MBD5: variants seen among roughly 807,000 people sequenced by gnomAD.
MBD5 encodes the protein methyl-CpG-binding domain protein 5.
A neutral mutation model predicts 117.3 loss-of-function variants in MBD5; 13 were observed. The ratio of observed to expected loss-of-function variants is 0.11; its 90% CI spans 0.07 to 0.18. The LOEUF is 0.18. Ranked by LOEUF, MBD5 falls within the 10% of genes least tolerant of loss-of-function variation. The pLI, the probability that MBD5 is intolerant of heterozygous loss-of-function variation, is 1.00. For missense variants in MBD5, 1,879 were observed against 2,093.8 expected, an observed-to-expected ratio of 0.90 and a Z score of 2.00; for synonymous variants, 727 against 766.4, an observed-to-expected ratio of 0.95 and a Z score of 0.85.
At position 148,365,019 on chromosome 2, in the gene MBD5, A is replaced by G. The variant is rs189278140; in HGVS notation, c.-557+22683A>G. Among the ~76,000 whole-genome samples, 430 of 152,320 alleles carry G rather than the reference A, an allele frequency of 2.8e-3. 3 individuals are homozygous for G. Among genetic ancestry groups the G allele is most frequent in the African/African-American group, 9.7e-3 (403 of 41,568 alleles). ...GACATTTACAGAACTCTCCACCCCAAATCAACAGAATATACATTCTTCTCA... is the reference window on the plus strand; with the variant it reads ...GACATTTACAGAACTCTCCACCCCAGATCAACAGAATATACATTCTTCTCA... On this transcript the variant is annotated intron_variant, in intron 4 of 13. Coordinates refer to ENST00000642680, the MANE Select transcript of MBD5 (RefSeq NM_001378120.1).
rs763196924 is a variant in MBD5, at chr2:148,510,115, C to T, written c.5092C>T (p.Leu1698=). 2.0e-5 allele frequency: 33 copies of T among 1,611,338 alleles called. No homozygotes were observed. The highest frequency in any genetic ancestry group is 2.7e-5 in the Non-Finnish European group (32 of 1,177,638). The change falls in exon 13 of 14, where the codon CTG becomes TTG. Residue 1698 remains leucine (L), a synonymous_variant. Transcript: ENST00000642680. ...TGCTATTCATGAGGCCATGAGTGAA[C>T]TGGACAAAATGTCTGGGACTGTAAG... is the stretch of plus-strand genomic sequence containing the variant. ...EAAIHEAMSE[L]DKMSGTVHQI... is the part of the protein sequence containing the mutation.
chr2:148,387,305 A>C (rs1207425732), intron 4 of MBD5, among the ~76,000 whole-genome samples: 1 of 152,216 alleles, frequency 6.6e-6, no homozygotes, highest in Non-Finnish European at 1.5e-5. Flanking sequence ...AGAGAAAAAA[A>C]CATGATCATC....
intron 8 of MBD5, among the ~76,000 whole-genome samples, chr2:148,478,655 G>A (rs962266622): frequency 6.6e-6 from 1 of 152,170 alleles, no homozygotes; most frequent in Non-Finnish European, 1.5e-5. Flanking sequence ...CAAAGCATGA[G>A]ATCTCGCACC....
chr2:148,357,688 G>T (rs967779473), intron 4 of MBD5, among the ~76,000 whole-genome samples: 6 of 151,620 alleles, frequency 4.0e-5, no homozygotes, highest in African/African-American at 1.5e-4. Context: ...GTCCACATGG[G>T]CTGGCCATTT....
chr2:148,327,462 A>T (rs956988351), intron 3 of MBD5, among the ~76,000 whole-genome samples: 1 of 152,160 alleles, frequency 6.6e-6, no homozygotes, highest in Non-Finnish European at 1.5e-5. Context: ...CATTCTCCCC[A>T]TCACTTTCAG....
At chr2:148,399,019 T>C (rs1704828550) in intron 4 of MBD5, among the ~76,000 whole-genome samples, 1 of 152,218 alleles carries the variant, frequency 6.6e-6, no homozygotes, top group African/African-American at 2.4e-5. Flanking sequence ...TATATCTCTG[T>C]TTTGGTACCA....
intron 4 of MBD5, among the ~76,000 whole-genome samples, chr2:148,429,019 T>C (rs544543304): frequency 6.6e-6 from 1 of 152,184 alleles, no homozygotes; most frequent in Admixed American, 6.5e-5. Flanking sequence ...CTAAAAAGCT[T>C]CTGCACAGCA....
chr2:148,427,940 A>T (rs1559067142), intron 4 of MBD5, among the ~76,000 whole-genome samples: 1 of 152,162 alleles, frequency 6.6e-6, no homozygotes, highest in Non-Finnish European at 1.5e-5. Flanking sequence ...GGCACAAGAC[A>T]AGGATGCCCT....
intron 4 of MBD5, among the ~76,000 whole-genome samples, chr2:148,424,984 G>C (rs949181783): frequency 6.6e-6 from 1 of 152,050 alleles, no homozygotes; most frequent in South Asian, 2.1e-4. Context: ...AACTAGAGAA[G>C]CAAGAGCAAA....
chr2:148,167,144 T>G (rs1698145836), intron 1 of MBD5, among the ~76,000 whole-genome samples: 1 of 152,146 alleles, frequency 6.6e-6, no homozygotes, highest in African/African-American at 2.4e-5. Flanking sequence ...AGCTGCATTT[T>G]GAAGCTGCTC....
At position 148,288,399 on chromosome 2, in the gene MBD5, C is replaced by CAAAAAAAAA. The variant is rs569673565; in HGVS notation, c.-679-53808_-679-53800dup. On this transcript the variant is annotated intron_variant, in intron 3 of 13. Coordinates refer to ENST00000642680, the MANE Select transcript of MBD5 (RefSeq NM_001378120.1). ...TGGGCGACAGAGCGAGACTCCGTCT[C>CAAAAAAAAA]AAAAAAAAAAAAAAAGTGATTTCTT... Among the ~76,000 whole-genome samples, 36 of 37,762 alleles carry CAAAAAAAAA rather than the reference C, an allele frequency of 9.5e-4. 1 individual carries two copies. The highest frequency in any genetic ancestry group is 1.7e-3 in the African/African-American group (20 of 11,648). The allele number at this position is 37,762 out of a possible 152,430, so 24.8% of individuals were successfully genotyped here. A position where few individuals can be genotyped will look rare whatever the true frequency, so the allele number is the denominator to read the frequency against.
chr2:148,323,091 C>T (rs950603693), intron 3 of MBD5, among the ~76,000 whole-genome samples: 6 of 150,996 alleles, frequency 4.0e-5, no homozygotes, highest in South Asian at 2.1e-4. Context: ...TGAGAATATG[C>T]GGTGTTTGGT....
rs762318711 is a variant in MBD5, at chr2:148,458,776, G to T, written c.18G>T (p.Glu6Asp). The T allele has an allele frequency of 6.2e-7, 1 of 1,613,578 alleles. No homozygotes were observed. Among genetic ancestry groups the T allele is most frequent in the Non-Finnish European group, 8.5e-7 (1 of 1,179,616 alleles). Residue 6 changes from glutamate (E) to aspartate (D), a missense_variant, in exon 5 of 14, where the codon GAG (glutamate) becomes GAT (aspartate). Coordinates refer to ENST00000642680, the MANE Select transcript of MBD5 (RefSeq NM_001378120.1). MNGGKECDGGDKEGGL... is the reference protein window; with the variant it reads MNGGKDCDGGDKEGGL... The stretch of plus-strand genomic sequence containing the variant: ...CACAGAAAATGAATGGAGGCAAAGA[G>T]TGTGACGGAGGGGACAAGGAAGGAG...
intron 4 of MBD5, among the ~76,000 whole-genome samples, chr2:148,354,167 C>A (rs1703314553): frequency 6.6e-6 from 1 of 152,102 alleles, no homozygotes; most frequent in Non-Finnish European, 1.5e-5. Flanking sequence ...CATAGGTATA[C>A]ATGTGCCATG....
intron 3 of MBD5, among the ~76,000 whole-genome samples, chr2:148,303,641 G>C (rs1318028646): frequency 6.6e-6 from 1 of 152,092 alleles, no homozygotes; most frequent in Non-Finnish European, 1.5e-5. Context: ...GAAATATTAG[G>C]TTTAACAATT....
intron 4 of MBD5, among the ~76,000 whole-genome samples, chr2:148,352,475 AC>A (rs773635906): frequency 4.9e-4 from 74 of 151,978 alleles, no homozygotes; most frequent in Non-Finnish European, 9.6e-4. Context: ...CATTTCCATC[AC>A]CACAAGGGTC....
chr2:148,150,415 G>C (rs1697620650), intron 1 of MBD5, among the ~76,000 whole-genome samples: 1 of 151,896 alleles, frequency 6.6e-6, no homozygotes, highest in South Asian at 2.1e-4. Flanking sequence ...GATTGACTTG[G>C]CGATGCAGGC....
rs1165270808 is a variant in MBD5 at position 148,469,411 on chromosome 2, C to G, written c.1468C>G (p.Pro490Ala). Residue 490 changes from proline (P) to alanine (A), a missense_variant, in exon 8 of 14, where the codon CCC becomes GCC. Coordinates refer to ENST00000642680, the MANE Select transcript of MBD5 (RefSeq NM_001378120.1). ...CACTTCTAGTGGTATTAAGGTTCCA[C>G]CCAGGTCACCAAGGTCAACAATAGG... ...QATSSGIKVPPRSPRSTIGSP... is the reference protein window; with the variant it reads ...QATSSGIKVPARSPRSTIGSP... The G allele has an allele frequency of 1.2e-6, 2 of 1,613,696 alleles. No individual in the cohort carries two copies. Among genetic ancestry groups the G allele is most frequent in the Non-Finnish European group, 1.7e-6 (2 of 1,179,932 alleles).
At chr2:148,225,924 G>T (rs1699805988) in intron 2 of MBD5, among the ~76,000 whole-genome samples, 1 of 152,042 alleles carries the variant, frequency 6.6e-6, no homozygotes, top group African/African-American at 2.4e-5. Flanking sequence ...ATGCCTTAGG[G>T]TAGTCTTCTT....
Sources: allele counts gnomAD v4.1 joint callset (sites outside exome capture counted in the v4.1 genomes callset), GRCh38; gene constraint gnomAD v4.1.1; transcripts MANE v1.5; gene names NCBI Gene and HGNC (gene_info 2026-07-23, HGNC 2026-07-21).